PEAK1: variants seen among roughly 807,000 people sequenced by gnomAD.
PEAK1 encodes pseudopodium enriched atypical kinase 1.
PEAK1 carries 54 observed loss-of-function variants against 124.7 expected under a neutral mutation model. The observed-to-expected ratio is 0.43, with a 90% CI of 0.35 to 0.54. The LOEUF is 0.54. PEAK1 is among the 20% of genes least tolerant of loss of function. PEAK1 has a pLI of 0.01. For missense variants in PEAK1, 2,046 were observed against 2,134.5 expected, an observed-to-expected ratio of 0.96 and a Z score of 0.82; for synonymous variants, 719 against 760.0, an observed-to-expected ratio of 0.95 and a Z score of 0.89.
intron 6 of PEAK1, among the ~76,000 whole-genome samples, chr15:77,193,148 C>CA (rs1437464236): frequency 6.6e-6 from 1 of 152,140 alleles, no homozygotes; most frequent in Non-Finnish European, 1.5e-5. Flanking sequence ...AAGTTGGAGT[C>CA]AGAGATCTTT....
rs139449334 is a variant in PEAK1, at chr15:77,278,090, C to T, written c.-275+5793G>A. On this transcript the variant is annotated intron_variant, in intron 5 of 9. Coordinates refer to ENST00000682557, the MANE Select transcript of PEAK1 (RefSeq NM_001385026.1). ...GTGGGGATGTTGATAATAGGGAATGCTATACGCTCGTGGGCACGAGGGTAT... is the reference window on the plus strand; with the variant it reads ...GTGGGGATGTTGATAATAGGGAATGTTATACGCTCGTGGGCACGAGGGTAT... Among the ~76,000 whole-genome samples, 23 of 152,224 alleles carry T rather than the reference C, an allele frequency of 1.5e-4. No homozygotes were observed. The East Asian group carries it at 3.7e-3, about 24-fold the overall frequency.
Position 77,114,646 on chromosome 15 carries a change from G to A in PEAK1, c.4751C>T (p.Ala1584Val). 1 of 1,613,958 alleles carries A rather than the reference G, an allele frequency of 6.2e-7. No individual in the cohort carries two copies. Among genetic ancestry groups the A allele is most frequent in the Admixed American group, 1.7e-5 (1 of 60,012 alleles). ...CTCATCACACTTTTTATACTGGGTA[G>A]CTGTTATGATCTCTGGGGCAAGGCG... ...QSRLAPEIIT[A>V]TQYKKCDEFQ... Residue 1584 changes from alanine to valine, a missense_variant, in exon 10 of 10, where the codon GCT becomes GTT. Physicochemically the swap from Ala to Val is moderately conservative, Grantham distance 64 (BLOSUM62 0). Transcript: ENST00000682557.
chr15:77,417,106 G>C (rs62007297), intron 1 of PEAK1, among the ~76,000 whole-genome samples: 54,795 of 151,580 alleles, frequency 0.36, 10,057 homozygotes, highest in Non-Finnish European at 0.38. Context: ...CCCATCCCCC[G>C]AAGTCTGAGT....
chr15:77,310,119 T>A (rs2064349217), intron 2 of PEAK1, among the ~76,000 whole-genome samples: 1 of 152,152 alleles, frequency 6.6e-6, no homozygotes, highest in Admixed American at 6.5e-5. Flanking sequence ...AGAAACCAAC[T>A]GACATTGAAT....
intron 8 of PEAK1, among the ~76,000 whole-genome samples, chr15:77,144,511 G>A (rs563175381): frequency 1.2e-3 from 186 of 152,190 alleles, no homozygotes; most frequent in Non-Finnish European, 2.1e-3. Context: ...GATGTAAGGC[G>A]CACAGCAGGT....
At chr15:77,343,482 C>CTTTTTTTTTTTTTTTTTTTTTTT (rs60121928) in intron 2 of PEAK1, among the ~76,000 whole-genome samples, 1 of 97,954 alleles carries the variant, frequency 1.0e-5, no homozygotes. Context: ...GTCCAACTTA[C>CTTTTTTTTTTTTTTTTTTTTTTT]TTTTTTTTTT....
chr15:77,144,152 G>A (rs1177393576), intron 8 of PEAK1, among the ~76,000 whole-genome samples: 3 of 152,192 alleles, frequency 2.0e-5, no homozygotes, highest in Admixed American at 6.5e-5. Flanking sequence ...ACGGCTGATC[G>A]TGTGACTTTC....
rs192531947 is a variant in PEAK1, at chr15:77,419,402, C to A, written c.-666+604G>T. On this transcript the variant is annotated intron_variant, in intron 1 of 9. Coordinates refer to ENST00000682557, the MANE Select transcript of PEAK1 (RefSeq NM_001385026.1). ...GGTCAAAGGGCAGAAAAGAAAAAAACTGAGCAGCCGAACCACTCACAACCC... is the reference window on the plus strand; with the variant it reads ...GGTCAAAGGGCAGAAAAGAAAAAAAATGAGCAGCCGAACCACTCACAACCC... 1.2e-4 allele frequency: 118 copies of A among 985,352 alleles called. 1 individual carries two copies. The East Asian group carries it at 0.011, about 96-fold the overall frequency. The allele number at this position is 985,352 out of a possible 1,614,324, so 61.0% of individuals were successfully genotyped here. A position where few individuals can be genotyped will look rare whatever the true frequency, so the allele number is the denominator to read the frequency against.
At chr15:77,419,226 T>A in intron 1 of PEAK1, 2 of 985,212 alleles carry the variant, frequency 2.0e-6, no homozygotes, top group Non-Finnish European at 2.4e-6. Context: ...TCTCTCCCGG[T>A]GCTCTCAGCA....
rs749000554 is a variant in PEAK1 at position 77,298,197 on chromosome 15, A to ATTTTTTTTTTTTTTTTTTTTTTTTT, written c.-602-11718_-602-11694dup. ...TAGCTTCTTTTGTTTGGTATCCTTA[A>ATTTTTTTTTTTTTTTTTTTTTTTTT]TTTTTTTTTTTTTTTTTTTTTTTTT... is the stretch of plus-strand genomic sequence containing the variant. On this transcript the variant is annotated intron_variant, in intron 2 of 9. Coordinates refer to ENST00000682557, the MANE Select transcript of PEAK1 (RefSeq NM_001385026.1). 1.6e-4 allele frequency among the ~76,000 whole-genome samples: 6 copies of ATTTTTTTTTTTTTTTTTTTTTTTTT among 37,822 alleles called. 2 individuals carry two copies. The highest frequency in any genetic ancestry group is 4.0e-4 in the African/African-American group (3 of 7,414). 24.8% of individuals were successfully genotyped at this position (37,822 alleles called of 152,430 possible). A position where few individuals can be genotyped will look rare whatever the true frequency, so the allele number is the denominator to read the frequency against.
intron 2 of PEAK1, among the ~76,000 whole-genome samples, chr15:77,294,856 A>C (rs2063403658): frequency 6.6e-6 from 1 of 152,184 alleles, no homozygotes; most frequent in Admixed American, 6.5e-5. Flanking sequence ...TACCTCATTA[A>C]GGAAAAAATG....
chr15:77,203,707 AT>A (rs1567110351), intron 6 of PEAK1, among the ~76,000 whole-genome samples: 1 of 149,230 alleles, frequency 6.7e-6, no homozygotes, highest in Non-Finnish European at 1.5e-5. Flanking sequence ...ACAACTGGAC[AT>A]CCAAAAAAAA....
chr15:77,223,505 C>T (rs1022343143), intron 6 of PEAK1, among the ~76,000 whole-genome samples: 2 of 151,938 alleles, frequency 1.3e-5, no homozygotes, highest in African/African-American at 4.8e-5. Context: ...TGGATATTAC[C>T]CCACAAAACA....
At chr15:77,386,311 A>G (rs983037698) in intron 1 of PEAK1, among the ~76,000 whole-genome samples, 2 of 152,188 alleles carry the variant, frequency 1.3e-5, no homozygotes, top group African/African-American at 4.8e-5. Context: ...CATCCCAAGT[A>G]TTCCTAAGAA....
intron 1 of PEAK1, among the ~76,000 whole-genome samples, chr15:77,408,306 T>TA (rs2142084928): frequency 7.0e-6 from 1 of 143,560 alleles, no homozygotes; most frequent in South Asian, 2.2e-4. Flanking sequence ...CCTGAGAACT[T>TA]ACAAGTTTTC....
intron 6 of PEAK1, among the ~76,000 whole-genome samples, chr15:77,224,215 T>C (rs2059526991): frequency 6.6e-6 from 1 of 151,950 alleles, no homozygotes; most frequent in African/African-American, 2.4e-5. Flanking sequence ...GGTTTCTAAT[T>C]AGACTCTTCT....
intron 2 of PEAK1, among the ~76,000 whole-genome samples, chr15:77,302,003 T>C (rs1301793246): frequency 5.3e-5 from 8 of 152,236 alleles, no homozygotes; most frequent in Non-Finnish European, 1.5e-5. Flanking sequence ...GAACTTTCAG[T>C]TGGCTCCTGT....
At position 77,246,215 on chromosome 15, in the gene PEAK1, G is replaced by C. The variant is rs569487673; in HGVS notation, c.-115+6152C>G. 2.6e-5 allele frequency among the ~76,000 whole-genome samples: 4 copies of C among 152,186 alleles called. No individual in the cohort carries two copies. In the South Asian group the frequency reaches 8.3e-4, roughly 32 times the overall value. ...GTAGAGACAAGGTTTCATTATGTTG[G>C]CCAGAATGGTCTTGATCTCTTGACC... On this transcript the variant is annotated intron_variant, in intron 6 of 9. Coordinates refer to ENST00000682557, the MANE Select transcript of PEAK1 (RefSeq NM_001385026.1).
chr15:77,153,782 C>A (rs1247379379), intron 8 of PEAK1, among the ~76,000 whole-genome samples: 1 of 152,074 alleles, frequency 6.6e-6, no homozygotes, highest in Admixed American at 6.6e-5. Flanking sequence ...AGTTTCCATG[C>A]AGTTGAGCGG....
Sources: gnomAD v4.1 joint callset for allele counts (sites outside exome capture counted in the v4.1 genomes callset) on GRCh38, gnomAD v4.1.1 for gene constraint, MANE v1.5 for transcripts, NCBI Gene and HGNC (gene_info 2026-07-23, HGNC 2026-07-21) for gene names.